KLF8: variants seen among roughly 807,000 people sequenced by gnomAD.
KLF8 encodes the protein KLF transcription factor 8.
In KLF8, 10 loss-of-function variants were observed where a neutral mutation model predicts 18.2. That is an observed-to-expected ratio of 0.55 (90% confidence interval 0.34 to 0.93). KLF8 has a LOEUF of 0.93. KLF8 is among the 40% of genes least tolerant of loss of function. The probability of loss-of-function intolerance (pLI) is 0.02; values close to 1 mark genes in which losing one functional copy is unlikely to be tolerated. For synonymous variants in KLF8, 109 were observed against 97.3 expected, an observed-to-expected ratio of 1.12 and a Z score of -0.71; for missense variants, 264 against 277.9, an observed-to-expected ratio of 0.95 and a Z score of 0.36.
At chrX:56,060,716 G>GT in the KLF8 span, among the ~76,000 whole-genome samples, 1 of 111,911 alleles carries the variant, frequency 8.9e-6, no homozygotes, top group African/African-American at 3.2e-5. Flanking sequence ...CATAAAATGA[G>GT]TTAGGGAGGA....
the KLF8 span, among the ~76,000 whole-genome samples, chrX:56,199,162 TCA>T: frequency 6.3e-5 from 7 of 111,840 alleles, no homozygotes; most frequent in Non-Finnish European, 1.1e-4. Flanking sequence ...GCAATACCAT[TCA>T]GGAAATAGGC....
chrX:56,033,737 A>G, the KLF8 span, among the ~76,000 whole-genome samples: 11 of 111,670 alleles, frequency 9.9e-5, no homozygotes, highest in African/African-American at 3.3e-4. Context: ...TGTGGTTTTA[A>G]TTTGCATTTC....
the KLF8 span, among the ~76,000 whole-genome samples, chrX:56,140,047 C>T: frequency 8.9e-6 from 1 of 111,863 alleles, no homozygotes; most frequent in Non-Finnish European, 1.9e-5. Context: ...AAATCAAAAC[C>T]ACGAATAGAT....
At chrX:56,260,129 G>A (rs1417505537) in intron 2 of KLF8, among the ~76,000 whole-genome samples, 2 of 111,304 alleles carry the variant, frequency 1.8e-5, no homozygotes, top group Non-Finnish European at 3.8e-5. Context: ...CTGTGGCTCT[G>A]TGCGTTATTC....
chrX:55,957,526 A>G, the KLF8 span, among the ~76,000 whole-genome samples: 1 of 112,136 alleles, frequency 8.9e-6, no homozygotes, highest in Non-Finnish European at 1.9e-5. Flanking sequence ...CTATGAACAC[A>G]AGATGTGTTT....
At chrX:56,152,781 G>C in the KLF8 span, among the ~76,000 whole-genome samples, 2 of 111,876 alleles carry the variant, frequency 1.8e-5, no homozygotes, top group Non-Finnish European at 3.8e-5. Flanking sequence ...ATCTCTAAAA[G>C]ATACTGTTTA....
the KLF8 span, among the ~76,000 whole-genome samples, chrX:56,111,614 A>T: frequency 8.9e-6 from 1 of 112,361 alleles, no homozygotes; most frequent in Non-Finnish European, 1.9e-5. Flanking sequence ...ATCTACAAAG[A>T]ACATAAAACA....
At chrX:56,155,216 C>A in the KLF8 span, among the ~76,000 whole-genome samples, 3 of 111,518 alleles carry the variant, frequency 2.7e-5, no homozygotes, top group African/African-American at 9.8e-5. Context: ...AAATGTCCAA[C>A]AATGATAGAC....
chrX:56,194,937 C>G, the KLF8 span, among the ~76,000 whole-genome samples: 1 of 112,364 alleles, frequency 8.9e-6, no homozygotes, highest in East Asian at 2.8e-4. Context: ...CCCAGGCAAA[C>G]AGGGTCTGGA....
At chrX:56,162,502 G>C in the KLF8 span, among the ~76,000 whole-genome samples, 1 of 111,693 alleles carries the variant, frequency 9.0e-6, no homozygotes, top group Non-Finnish European at 1.9e-5. Flanking sequence ...CTGCCACCTT[G>C]CAGTTTGATC....
chrX:56,158,812 T>C, the KLF8 span, among the ~76,000 whole-genome samples: 1 of 111,960 alleles, frequency 8.9e-6, no homozygotes, highest in East Asian at 2.8e-4. Context: ...TTTCTAGATA[T>C]ACAATCATGT....
chrX:56,164,729 C>CT, the KLF8 span, among the ~76,000 whole-genome samples: 158 of 51,873 alleles, frequency 3.0e-3, 1 homozygote, highest in Middle Eastern at 0.014. Context: ...CTTGTTATCT[C>CT]TTTTTTTTTT....
chrX:55,952,809 A>T, the KLF8 span, among the ~76,000 whole-genome samples: 1 of 111,935 alleles, frequency 8.9e-6, no homozygotes, highest in Non-Finnish European at 1.9e-5. Context: ...TCTATAACAC[A>T]TCACAAATAC....
the KLF8 span, among the ~76,000 whole-genome samples, chrX:56,183,267 G>C: frequency 1.8e-5 from 2 of 112,230 alleles, no homozygotes; most frequent in African/African-American, 6.5e-5. Flanking sequence ...GACACTCTAA[G>C]CCAGGCACAG....
chrX:56,224,103 T>G, the KLF8 span, among the ~76,000 whole-genome samples: 8 of 110,876 alleles, frequency 7.2e-5, no homozygotes, highest in African/African-American at 2.6e-4. Context: ...GAGACACCTT[T>G]GAGAAATTTC....
At chrX:56,088,970 GA>G in the KLF8 span, among the ~76,000 whole-genome samples, 61 of 111,391 alleles carry the variant, frequency 5.5e-4, 1 homozygote, top group East Asian at 0.016. Flanking sequence ...CACAATCAAA[GA>G]AAAAAGTGCC....
chrX:56,034,598 G>A, the KLF8 span, among the ~76,000 whole-genome samples: 1 of 110,721 alleles, frequency 9.0e-6, no homozygotes, highest in African/African-American at 3.3e-5. Flanking sequence ...GATAAGATCA[G>A]GGTAACTAAC....
chrX:56,065,683 G>A, the KLF8 span, among the ~76,000 whole-genome samples: 1 of 110,689 alleles, frequency 9.0e-6, no homozygotes, highest in African/African-American at 3.3e-5. Flanking sequence ...TCAATTTTTT[G>A]AATTTATTTT....
chrX:56,158,530 T>G, the KLF8 span, among the ~76,000 whole-genome samples: 2 of 111,958 alleles, frequency 1.8e-5, no homozygotes, highest in Non-Finnish European at 3.8e-5. Context: ...GAGTATGGAA[T>G]GTTCTTCCAT....
Sources: allele counts gnomAD v4.1 joint callset (sites outside exome capture counted in the v4.1 genomes callset), GRCh38; gene constraint gnomAD v4.1.1; transcripts MANE v1.5; gene names NCBI Gene and HGNC (gene_info 2026-07-23, HGNC 2026-07-21).